The following GPC5 variants were observed in gnomAD, a reference collection of about 807,000 sequenced individuals.
GPC5 encodes the protein glypican-5.
GPC5 carries 47 observed loss-of-function variants against 53.9 expected under a neutral mutation model. That is an observed-to-expected ratio of 0.87 (90% confidence interval 0.69 to 1.11). The LOEUF is 1.11. Among genes scored for constraint, GPC5 ranks in the 50% most tolerant of loss-of-function variants. GPC5 has a pLI of 0.00. For missense variants in GPC5, 748 were observed against 713.1 expected (o/e 1.05, Z -0.56); for synonymous variants, 286 against 263.3 (o/e 1.09, Z -0.84).
At chr13:92,639,848 C>A (rs1383817931) in intron 7 of GPC5, among the ~76,000 whole-genome samples, 3 of 152,104 alleles carry the variant, frequency 2.0e-5, no homozygotes, top group African/African-American at 7.2e-5. Flanking sequence ...AGCATTTGAA[C>A]AGAAAACATC....
chr13:91,770,298 G>A (rs776191333), intron 5 of GPC5, among the ~76,000 whole-genome samples: 8 of 152,030 alleles, frequency 5.3e-5, no homozygotes, highest in Admixed American at 1.3e-4. Context: ...CTACTTTTGG[G>A]ATTTATATTC....
intron 7 of GPC5, among the ~76,000 whole-genome samples, chr13:92,398,697 A>G (rs1228880250): frequency 1.3e-5 from 2 of 152,198 alleles, no homozygotes; most frequent in African/African-American, 4.8e-5. Flanking sequence ...AGCTAAATAT[A>G]TCAAATGTTC....
At chr13:92,311,628 A>G (rs1427230364) in intron 7 of GPC5, among the ~76,000 whole-genome samples, 1 of 152,218 alleles carries the variant, frequency 6.6e-6, no homozygotes, top group Non-Finnish European at 1.5e-5. Context: ...ACATGGCAGC[A>G]GCCAAGAGAG....
intron 7 of GPC5, among the ~76,000 whole-genome samples, chr13:92,722,000 C>T (rs1007277827): frequency 2.0e-5 from 3 of 151,888 alleles, no homozygotes; most frequent in Non-Finnish European, 4.4e-5. Flanking sequence ...AAACTGGCAC[C>T]CTATTGTCTT....
chr13:91,908,319 G>A (rs961980177), intron 6 of GPC5, among the ~76,000 whole-genome samples: 5 of 151,960 alleles, frequency 3.3e-5, no homozygotes, highest in African/African-American at 9.7e-5. Context: ...AGAATCTCAG[G>A]ATATGCTTTG....
At position 91,440,144 on chromosome 13, in the gene GPC5, A is replaced by AG. The variant is rs1370921084; in HGVS notation, c.164-8617_164-8616insG. Among the ~76,000 whole-genome samples, 4 of 152,216 alleles carry AG rather than the reference A, an allele frequency of 2.6e-5. No individual in the cohort carries two copies. The East Asian group carries it at 7.7e-4, about 29-fold the overall frequency. Reference sequence around the variant, plus strand: ...TTTGTGGTGTTCACCAAATTTGAAAAATTTACAGTAATTTTTTCATGGACT... The same window carrying AG: ...TTTGTGGTGTTCACCAAATTTGAAAAGATTTACAGTAATTTTTTCATGGACT... On this transcript the variant is annotated intron_variant, in intron 1 of 7. Coordinates refer to ENST00000377067, the MANE Select transcript of GPC5 (RefSeq NM_004466.6).
intron 5 of GPC5, among the ~76,000 whole-genome samples, chr13:91,828,433 C>T (rs1369063871): frequency 4.6e-5 from 7 of 151,872 alleles, no homozygotes; most frequent in African/African-American, 1.7e-4. Context: ...ACAAATACTT[C>T]CTTGTTCTAC....
At chr13:92,330,354 G>A (rs1057315767) in intron 7 of GPC5, among the ~76,000 whole-genome samples, 1 of 152,056 alleles carries the variant, frequency 6.6e-6, no homozygotes, top group Non-Finnish European at 1.5e-5. Flanking sequence ...AACATCTCTG[G>A]TCATATCTTA....
At chr13:91,647,190 G>T (rs1036536852) in intron 2 of GPC5, among the ~76,000 whole-genome samples, 6 of 149,846 alleles carry the variant, frequency 4.0e-5, no homozygotes, top group Non-Finnish European at 8.9e-5. Context: ...TATACATGTG[G>T]CAAACATTAA....
At chr13:91,889,881 A>G (rs2039366407) in intron 5 of GPC5, among the ~76,000 whole-genome samples, 1 of 152,220 alleles carries the variant, frequency 6.6e-6, no homozygotes, top group South Asian at 2.1e-4. Context: ...TGATAAGTGC[A>G]TCCTGGAAAA....
intron 6 of GPC5, among the ~76,000 whole-genome samples, chr13:91,914,716 AG>A (rs1343697315): frequency 4.0e-5 from 6 of 151,766 alleles, no homozygotes; most frequent in African/African-American, 9.7e-5. Context: ...CCCTGAGAAA[AG>A]GTTCTAATTT....
chr13:91,438,852 C>T (rs994034826), intron 1 of GPC5, among the ~76,000 whole-genome samples: 3 of 152,186 alleles, frequency 2.0e-5, no homozygotes, highest in East Asian at 1.9e-4. Flanking sequence ...ACTCAAGCGT[C>T]GGTAATGGCG....
chr13:91,901,319 TG>T (rs1203881755), intron 5 of GPC5, among the ~76,000 whole-genome samples: 1 of 152,080 alleles, frequency 6.6e-6, no homozygotes, highest in Non-Finnish European at 1.5e-5. Context: ...GCTCAACAAT[TG>T]AAGTGAGATA....
intron 6 of GPC5, among the ~76,000 whole-genome samples, chr13:92,026,580 A>T (rs2040802910): frequency 6.6e-6 from 1 of 151,884 alleles, no homozygotes; most frequent in Non-Finnish European, 1.5e-5. Context: ...CTACCTTATA[A>T]AAAATTATCC....
intron 7 of GPC5, among the ~76,000 whole-genome samples, chr13:92,329,044 T>G (rs914557543): frequency 6.6e-6 from 1 of 152,164 alleles, no homozygotes; most frequent in Non-Finnish European, 1.5e-5. Flanking sequence ...CTTATGACCT[T>G]AAATTTCTGA....
chr13:91,922,803 C>A (rs2039728752), intron 6 of GPC5, among the ~76,000 whole-genome samples: 2 of 152,164 alleles, frequency 1.3e-5, no homozygotes, highest in South Asian at 4.1e-4. Flanking sequence ...TTATTTCTGA[C>A]CCTAAACTGT....
At chr13:92,675,832 C>T (rs952687352) in intron 7 of GPC5, among the ~76,000 whole-genome samples, 2 of 152,062 alleles carry the variant, frequency 1.3e-5, no homozygotes, top group Admixed American at 1.3e-4. Context: ...GCAGGAGGTG[C>T]TTCTGGAACT....
intron 7 of GPC5, among the ~76,000 whole-genome samples, chr13:92,392,384 C>T (rs1875048027): frequency 6.6e-6 from 1 of 151,948 alleles, no homozygotes; most frequent in Admixed American, 6.6e-5. Flanking sequence ...TTTCTTACAC[C>T]GTACACAAAA....
intron 6 of GPC5, among the ~76,000 whole-genome samples, chr13:91,942,673 GATA>G (rs2039938820): frequency 7.8e-6 from 1 of 128,406 alleles, no homozygotes; most frequent in African/African-American, 3.0e-5. Context: ...TATAGATATA[GATA>G]TACTACTTTT....
Sources: allele counts gnomAD v4.1 joint callset (sites outside exome capture counted in the v4.1 genomes callset), GRCh38; gene constraint gnomAD v4.1.1; transcripts MANE v1.5; gene names NCBI Gene and HGNC (gene_info 2026-07-23, HGNC 2026-07-21).